The following GRB10 variants were observed in gnomAD, a reference collection of about 807,000 sequenced individuals.
GRB10 encodes the protein growth factor receptor-bound protein 10.
Under a neutral mutation model 80.9 loss-of-function variants are expected in GRB10, and 20 were observed. The observed-to-expected ratio is 0.25, with a 90% confidence interval of 0.17 to 0.36. The LOEUF (loss-of-function observed/expected upper bound fraction) is 0.36. Ranked by LOEUF, GRB10 falls within the 10% of genes least tolerant of loss-of-function variation. The probability of loss-of-function intolerance (pLI) is 1.00; values close to 1 mark genes in which losing one functional copy is unlikely to be tolerated. For synonymous variants in GRB10, 291 were observed against 291.5 expected (o/e 1.00, Z 0.02); for missense variants, 548 against 747.7 (o/e 0.73, Z 3.12).
chr7:50,744,196 C>T (rs1367585102), intron 3 of GRB10, among the ~76,000 whole-genome samples: 1 of 152,156 alleles, frequency 6.6e-6, no homozygotes, highest in Non-Finnish European at 1.5e-5. Context: ...GGCGCTGCAA[C>T]ACCACGACCA....
intron 7 of GRB10, among the ~76,000 whole-genome samples, chr7:50,654,763 C>G (rs4504586): frequency 0.27 from 40,921 of 152,108 alleles, 6,721 homozygotes; most frequent in Middle Eastern, 0.5. Context: ...TCTTTCCCTA[C>G]CTACCTAGGA....
At chr7:50,700,756 G>C (rs1176900544) in intron 5 of GRB10, among the ~76,000 whole-genome samples, 2 of 152,136 alleles carry the variant, frequency 1.3e-5, no homozygotes, top group Non-Finnish European at 2.9e-5. Context: ...GTTTCCTCAT[G>C]CATGTTTATG....
upstream of GRB10, among the ~76,000 whole-genome samples, chr7:50,786,499 A>C (rs1165204419): frequency 1.3e-5 from 2 of 152,192 alleles, no homozygotes; most frequent in East Asian, 1.9e-4. Flanking sequence ...AACAAAAAAC[A>C]AACCAAAAAA....
chr7:50,680,683 G>A (rs1403330205), intron 5 of GRB10, among the ~76,000 whole-genome samples: 1 of 152,146 alleles, frequency 6.6e-6, no homozygotes, highest in Non-Finnish European at 1.5e-5. Context: ...TATATCCTGG[G>A]CATAACATAG....
chr7:50,780,376 T>C (rs909064794), intron 2 of GRB10, among the ~76,000 whole-genome samples: 1 of 152,142 alleles, frequency 6.6e-6, no homozygotes, highest in African/African-American at 2.4e-5. Context: ...CCAGACCTCC[T>C]AGGGTCCACA....
chr7:50,724,071 G>A (rs1274128606), intron 4 of GRB10, among the ~76,000 whole-genome samples: 5 of 152,232 alleles, frequency 3.3e-5, no homozygotes, highest in African/African-American at 1.2e-4. Context: ...ACTGGCTGGA[G>A]GCAGTGGACT....
At position 50,616,290 on chromosome 7, in the gene GRB10, G is replaced by T; in HGVS notation, c.904C>A (p.Leu302Met). ...EIQGFLHVKE[L>M]GKKSWKKLYV... ...AGCTTTTTCCATGATTTCTTTCCCAGCTCTTTCACATGCAAAAACCCTTGA... is the reference window on the plus strand; with the variant it reads ...AGCTTTTTCCATGATTTCTTTCCCATCTCTTTCACATGCAAAAACCCTTGA... The change falls in exon 11 of 19, where the codon CTG becomes ATG. Residue 302 changes from leucine to methionine, a missense_variant. This residue lies in a region of GRB10 where 270 missense variants were observed against 433.6 expected (regional missense o/e 0.62). Transcript: ENST00000401949. 2 of 1,614,090 alleles carry T rather than the reference G, an allele frequency of 1.2e-6. No individual in the cohort carries two copies. The highest frequency in any genetic ancestry group is 1.7e-6 in the Non-Finnish European group (2 of 1,179,966).
rs2077386599 is a variant in GRB10, at chr7:50,774,645, A to G, written c.-217+5982T>C. Among the ~76,000 whole-genome samples, 3 of 152,202 alleles carry G rather than the reference A, an allele frequency of 2.0e-5. No individual in the cohort carries two copies. The South Asian group carries it at 6.2e-4, about 32-fold the overall frequency. On this transcript the variant is annotated intron_variant, in intron 2 of 18. Coordinates refer to ENST00000401949, the MANE Select transcript of GRB10 (RefSeq NM_001350814.2). ...AATAGAGTTGCGTTGGGGAAGTGAT[A>G]AGGCCATAAGGAGACACAAACATTC...
At chr7:50,635,772 A>G (rs1341543669) in intron 7 of GRB10, among the ~76,000 whole-genome samples, 1 of 152,066 alleles carries the variant, frequency 6.6e-6, no homozygotes, top group East Asian at 1.9e-4. Flanking sequence ...CACAAACTAA[A>G]AAACCTAGAG....
chr7:50,666,468 G>A (rs540317390), intron 7 of GRB10, among the ~76,000 whole-genome samples: 10 of 152,220 alleles, frequency 6.6e-5, no homozygotes, highest in Middle Eastern at 3.4e-3. Flanking sequence ...CCATTGGCCC[G>A]TAGCCTTTAC....
At chr7:50,623,617 C>T (rs569038330) in intron 8 of GRB10, among the ~76,000 whole-genome samples, 3 of 152,214 alleles carry the variant, frequency 2.0e-5, no homozygotes, top group Admixed American at 6.5e-5. Context: ...CAGACACCCA[C>T]GCATGGTGCT....
intron 17 of GRB10, among the ~76,000 whole-genome samples, chr7:50,600,248 G>T (rs933317111): frequency 2.0e-5 from 3 of 152,190 alleles, no homozygotes; most frequent in African/African-American, 7.2e-5. Context: ...CACAGAAAGA[G>T]AAATTTCTGT....
intron 6 of GRB10, among the ~76,000 whole-genome samples, chr7:50,672,063 C>A (rs544180168): frequency 6.6e-6 from 1 of 152,246 alleles, no homozygotes; most frequent in South Asian, 2.1e-4. Flanking sequence ...CTCTCAAAAG[C>A]CTGGGTTCCT....
intron 17 of GRB10, among the ~76,000 whole-genome samples, chr7:50,600,376 A>G (rs2047394220): frequency 6.6e-6 from 1 of 152,200 alleles, no homozygotes; most frequent in Non-Finnish European, 1.5e-5. Context: ...TAAAGCTGAC[A>G]TCTTGAGTAA....
At chr7:50,675,259 G>A (rs541222268) in intron 5 of GRB10, among the ~76,000 whole-genome samples, 2 of 152,336 alleles carry the variant, frequency 1.3e-5, no homozygotes, top group African/African-American at 4.8e-5. Flanking sequence ...GAGTGCAGAA[G>A]GAAGCCCATC....
At chr7:50,727,767 C>T (rs2153689611) in intron 4 of GRB10, 1 of 152,010 alleles carries the variant, frequency 6.6e-6, no homozygotes, top group Middle Eastern at 3.4e-3. Context: ...AATAATTCTA[C>T]ACTCTAAAAC....
chr7:50,697,862 T>C (rs992913262), intron 5 of GRB10, among the ~76,000 whole-genome samples: 2 of 152,136 alleles, frequency 1.3e-5, no homozygotes, highest in Admixed American at 6.5e-5. Context: ...TTGTACCCAG[T>C]GCCAGGGAGC....
At chr7:50,666,595 CCT>C (rs1264242306) in intron 7 of GRB10, among the ~76,000 whole-genome samples, 1 of 152,176 alleles carries the variant, frequency 6.6e-6, no homozygotes, top group Non-Finnish European at 1.5e-5. Flanking sequence ...ACTCTCCCAC[CCT>C]GTCCCAGCAC....
intron 3 of GRB10, among the ~76,000 whole-genome samples, chr7:50,751,071 G>A (rs1174751143): frequency 1.3e-5 from 2 of 152,132 alleles, no homozygotes; most frequent in African/African-American, 4.8e-5. Flanking sequence ...GGGACCGAGA[G>A]CTCACTGACC....
Sources: allele counts gnomAD v4.1 joint callset (sites outside exome capture counted in the v4.1 genomes callset), GRCh38; gene constraint gnomAD v4.1.1; regional missense constraint gnomAD v4.1.1; transcripts MANE v1.5; gene names NCBI Gene and HGNC (gene_info 2026-07-23, HGNC 2026-07-21).